The following GPRASP1 variants were observed in gnomAD, a reference collection of about 807,000 sequenced individuals.
GPRASP1 encodes the protein G protein-coupled receptor associated sorting protein 1.
In GPRASP1, 28 loss-of-function variants were observed where a neutral mutation model predicts 68.4. The observed-to-expected ratio is 0.41, with a 90% CI of 0.30 to 0.56. The LOEUF is 0.56. Among genes scored for constraint, GPRASP1 ranks in the 20% least tolerant of loss-of-function variants. The pLI is 0.29. For missense variants in GPRASP1, 913 were observed against 1,031.5 expected (o/e 0.89, Z 1.57); for synonymous variants, 304 against 358.2 (o/e 0.85, Z 1.71).
At position 102,653,879 on chromosome X, in the gene GPRASP1, G is replaced by A. The variant is rs368660777; in HGVS notation, c.-35G>A. The A allele has an allele frequency of 2.5e-4, 269 of 1,063,775 alleles. 1 individual carries two copies. Among genetic ancestry groups the A allele is most frequent in the Non-Finnish European group, 3.1e-4 (243 of 774,648 alleles). The allele number at this position is 1,063,775 out of a possible 1,213,427, so 87.7% of individuals were successfully genotyped here. ...GTGGTTGAGGTTTAGACTGGGGGAGGAGTATAGTACTGGACTTTCTTTGTA... is the reference window on the plus strand; with the variant it reads ...GTGGTTGAGGTTTAGACTGGGGGAGAAGTATAGTACTGGACTTTCTTTGTA... On this transcript the variant is annotated 5_prime_UTR_variant, in exon 6 of 6. Coordinates refer to ENST00000537097, the MANE Select transcript of GPRASP1 (RefSeq NM_001184727.2).
In GPRASP1 at chrX:102,653,759, A is replaced by C; in HGVS notation, c.-155A>C. The C allele has an allele frequency of 2.0e-6, 1 of 489,302 alleles. No individual in the cohort carries two copies. Among genetic ancestry groups the C allele is most frequent in the Non-Finnish European group, 3.6e-6 (1 of 277,070 alleles). 40.3% of individuals were successfully genotyped at this position (489,302 alleles called of 1,213,427 possible). A position where few individuals can be genotyped will look rare whatever the true frequency, so the allele number is the denominator to read the frequency against. On this transcript the variant is annotated 5_prime_UTR_variant, in exon 6 of 6. Transcript: ENST00000537097. ...TGTTTGGGAAGGAGGCTGAGTGACT[A>C]CTGGACTGGATATTGACTCTAACTC...
chrX:102,655,422 G>A lies in GPRASP1; in HGVS notation c.1509G>A (p.Trp503Ter). ...AGGTCATTATTGGTTCCTGGTTCTG[G>A]GCTGGTGAAGAGGTCAACCAAGAGG... ...DEQVIIGSWF[W>*]AGEEVNQEAE... Residue 503 changes from tryptophan to a stop codon, truncating the protein, a stop_gained, in exon 6 of 6, where the codon TGG (tryptophan) becomes TGA (stop). Coordinates refer to ENST00000537097, the MANE Select transcript of GPRASP1 (RefSeq NM_001184727.2). LOFTEE classifies it high-confidence loss of function. 8.3e-7 allele frequency: 1 copy of A among 1,211,784 alleles called. No individual in the cohort carries two copies. Among genetic ancestry groups the A allele is most frequent in the African/African-American group, 1.7e-5 (1 of 57,770 alleles).
In GPRASP1 at chrX:102,657,069, C is replaced by T; in HGVS notation, c.3156C>T (p.Phe1052=). ...GTTGGGAGGAGGTCACTGTTCAGTT[C>T]AAGCCTGGTCCATGGGGTAGGGTCG... ...PQSWEEVTVQ[F]KPGPWGRVGF... is the part of the protein sequence containing the mutation. The change falls in exon 6 of 6, where the codon TTC becomes TTT. Residue 1052 remains phenylalanine (F), a synonymous_variant. Coordinates refer to ENST00000537097, the MANE Select transcript of GPRASP1 (RefSeq NM_001184727.2). 8.3e-7 allele frequency: 1 copy of T among 1,211,296 alleles called. No homozygotes were observed. Among genetic ancestry groups the T allele is most frequent in the Non-Finnish European group, 1.1e-6 (1 of 895,036 alleles).
rs774759080 is a variant in GPRASP1, at chrX:102,656,099, A to T, written c.2186A>T (p.Glu729Val). 5 of 1,210,930 alleles carry T rather than the reference A, an allele frequency of 4.1e-6. No individual in the cohort carries two copies. Among genetic ancestry groups the T allele is most frequent in the Non-Finnish European group, 4.5e-6 (4 of 894,940 alleles). The change falls in exon 6 of 6, where the codon GAG becomes GTG. Residue 729 changes from glutamate to valine, a missense_variant. Coordinates refer to ENST00000537097, the MANE Select transcript of GPRASP1 (RefSeq NM_001184727.2). Reference sequence around the variant, plus strand: ...GGGTCCTGGTTATGGGCTACAGAAGAGAGTAATATAGATGGGACTGGAGAA... The same window carrying T: ...GGGTCCTGGTTATGGGCTACAGAAGTGAGTAATATAGATGGGACTGGAGAA... ...IIGSWLWATE[E>V]SNIDGTGEKA... is the part of the protein sequence containing the mutation.
At chrX:102,652,043 AGCCCGTGGGAGGTGGGTC>A (rs1276246007) in intron 2 of GPRASP1, 114 bp from the exon 3 acceptor site, 1 of 112,493 alleles carries the variant, frequency 8.9e-6, no homozygotes, top group Admixed American at 9.3e-5. Context: ...CTCTGTGCCT[AGCCCGTGGGAGGTGGGTC>A]GCGTTCGCTG....
chrX:102,656,805 G>C lies in GPRASP1; in HGVS notation c.2892G>C (p.Glu964Asp), dbSNP rs778750310. ...VATCESKPEN[E>D]EGAIVGSWFE... The stretch of plus-strand genomic sequence containing the variant: ...CCTGTGAGTCCAAGCCAGAAAATGA[G>C]GAAGGGGCCATTGTTGGGTCTTGGT... The change falls in exon 6 of 6, where the codon GAG (glutamate) becomes GAC (aspartate). Residue 964 changes from glutamate (E) to aspartate (D), a missense_variant. Transcript: ENST00000537097. 8.3e-7 allele frequency: 1 copy of C among 1,211,312 alleles called. No individual in the cohort carries two copies. The highest frequency in any genetic ancestry group is 2.2e-5 in the Admixed American group (1 of 46,041).
chrX:102,656,259 G>A lies in GPRASP1; in HGVS notation c.2346G>A (p.Trp782Ter). Residue 782 changes from tryptophan (W) to a stop codon, truncating the protein, a stop_gained, in exon 6 of 6, where the codon TGG becomes TGA. Transcript: ENST00000537097. LOFTEE classifies it high-confidence loss of function. Reference protein sequence around the residue: ...EAEEGDIIGSWFWAGEEDRLE... With the variant: ...EAEEGDIIGS ...AGGAGGGGGACATTATTGGTTCTTG[G>A]TTCTGGGCTGGAGAAGAGGACAGAC... 2 of 1,210,428 alleles carry A rather than the reference G, an allele frequency of 1.7e-6. No homozygotes were observed. The highest frequency in any genetic ancestry group is 1.1e-6 in the Non-Finnish European group (1 of 895,046).
chrX:102,651,785 C>T lies in GPRASP1; in HGVS notation c.-572+52C>T, dbSNP rs776703212. ...ATGGGGAGGCGGTGACTGGTGCGGGCCAGGCCGGACCAAGGGCTGAGGGGC... is the reference window on the plus strand; with the variant it reads ...ATGGGGAGGCGGTGACTGGTGCGGGTCAGGCCGGACCAAGGGCTGAGGGGC... On this transcript the variant is annotated intron_variant, in intron 2 of 5. Transcript: ENST00000537097. 575 of 112,765 alleles carry T rather than the reference C, an allele frequency of 5.1e-3. 6 individuals are homozygous for T. The highest frequency in any genetic ancestry group is 0.018 in the African/African-American group (546 of 31,055). 9.3% of individuals were successfully genotyped at this position (112,765 alleles called of 1,213,427 possible). A position where few individuals can be genotyped will look rare whatever the true frequency, so the allele number is the denominator to read the frequency against.
At chrX:102,652,633 C>G (rs1042887568) in intron 3 of GPRASP1, among the ~76,000 whole-genome samples, 198 bp from the exon 4 acceptor site, 2 of 113,137 alleles carry the variant, frequency 1.8e-5, no homozygotes, top group Non-Finnish European at 3.7e-5. Flanking sequence ...AGTATGACGT[C>G]AAGAGAAGGA....
rs1308118079 is a variant in GPRASP1, at chrX:102,658,231, CTCTG to C, written c.*136_*139del. ...TAGTGCTGACACTAACTTTGTCCAA[CTCTG>C]TCTGTAAGCTGGAGCATTTTTCTGA... On this transcript the variant is annotated 3_prime_UTR_variant, in exon 6 of 6. Coordinates refer to ENST00000537097, the MANE Select transcript of GPRASP1 (RefSeq NM_001184727.2). 4.1e-5 allele frequency: 17 copies of C among 413,661 alleles called. No individual in the cohort carries two copies. Among genetic ancestry groups the C allele is most frequent in the Admixed American group, 9.0e-5 (2 of 22,166 alleles). 34.1% of individuals were successfully genotyped at this position (413,661 alleles called of 1,213,427 possible).
In GPRASP1 at chrX:102,654,586, T is replaced by C. The variant is rs1451445177; in HGVS notation, c.673T>C (p.Ser225Pro). 3 of 1,208,557 alleles carry C rather than the reference T, an allele frequency of 2.5e-6. No homozygotes were observed. The highest frequency in any genetic ancestry group is 1.1e-6 in the Non-Finnish European group (1 of 893,958). The part of the protein sequence containing the change: ...PGNRVKDSNR[S>P]MHMANQEANT... ...GAATAGGGTAAAAGACAGTAACAGATCCATGCACATGGCCAATCAAGAGGC... is the reference window on the plus strand; with the variant it reads ...GAATAGGGTAAAAGACAGTAACAGACCCATGCACATGGCCAATCAAGAGGC... Residue 225 changes from serine to proline, a missense_variant, in exon 6 of 6, where the codon TCC (serine) becomes CCC (proline). By Grantham distance (74) the Ser-to-Pro change is moderately conservative (BLOSUM62 -1). Coordinates refer to ENST00000537097, the MANE Select transcript of GPRASP1 (RefSeq NM_001184727.2).
Position 102,653,698 on chromosome X carries a change from A to C in GPRASP1, c.-216A>C. ...TCAAGCTTGGTTGTGCCTGTTCTAC[A>C]CTCTATCTGTATTATTGAATTACTG... is the stretch of plus-strand genomic sequence containing the variant. On this transcript the variant is annotated 5_prime_UTR_variant, in exon 6 of 6. Transcript: ENST00000537097. 2.5e-6 allele frequency: 1 copy of C among 403,148 alleles called. No individual in the cohort carries two copies. Among genetic ancestry groups the C allele is most frequent in the Admixed American group, 4.2e-5 (1 of 23,664 alleles). 33.2% of individuals were successfully genotyped at this position (403,148 alleles called of 1,213,427 possible). A position where few individuals can be genotyped will look rare whatever the true frequency, so the allele number is the denominator to read the frequency against.
rs1215067576 is a variant in GPRASP1 at position 102,657,106 on chromosome X, A to G, written c.3193A>G (p.Ile1065Val). 1 of 1,208,395 alleles carries G rather than the reference A, an allele frequency of 8.3e-7. No individual in the cohort carries two copies. The highest frequency in any genetic ancestry group is 1.1e-6 in the Non-Finnish European group (1 of 893,755). Residue 1065 changes from isoleucine to valine, a missense_variant, in exon 6 of 6, where the codon ATA becomes GTA. Coordinates refer to ENST00000537097, the MANE Select transcript of GPRASP1 (RefSeq NM_001184727.2). ...ATGGGGTAGGGTCGGCTTCCCATCT[A>G]TAAGCCCCTTTAGATTTCCGAAAGA... ...GPWGRVGFPS[I>V]SPFRFPKEAA...
In GPRASP1 at chrX:102,656,999, C is replaced by T. The variant is rs760692354; in HGVS notation, c.3086C>T (p.Thr1029Met). 9.9e-6 allele frequency: 12 copies of T among 1,208,976 alleles called. No homozygotes were observed. The highest frequency in any genetic ancestry group is 2.2e-5 in the Admixed American group (1 of 45,787). ...SPVFRAICRS[T>M]CSVEQEPDPS... ...GTGTTCAGGGCCATTTGCAGGTCCA[C>T]GTGTTCAGTTGAACAGGAGCCTGAT... The change falls in exon 6 of 6, where the codon ACG becomes ATG. Residue 1029 changes from threonine (T) to methionine (M), a missense_variant. Coordinates refer to ENST00000537097, the MANE Select transcript of GPRASP1 (RefSeq NM_001184727.2).
Position 102,653,999 on chromosome X carries a change from A to C in GPRASP1, c.86A>C (p.Glu29Ala). The C allele has an allele frequency of 8.3e-7, 1 of 1,211,600 alleles. No homozygotes were observed. The highest frequency in any genetic ancestry group is 1.1e-6 in the Non-Finnish European group (1 of 895,036). ...GEEVVGGAEIENDVPLVVRPK... is the reference protein window; with the variant it reads ...GEEVVGGAEIANDVPLVVRPK... Reference sequence around the variant, plus strand: ...GAGGTTGTAGGTGGGGCTGAGATAGAGAATGATGTCCCTCTGGTGGTCAGA... The same window carrying C: ...GAGGTTGTAGGTGGGGCTGAGATAGCGAATGATGTCCCTCTGGTGGTCAGA... Residue 29 changes from glutamate to alanine, a missense_variant, in exon 6 of 6, where the codon GAG becomes GCG. Coordinates refer to ENST00000537097, the MANE Select transcript of GPRASP1 (RefSeq NM_001184727.2).
Position 102,657,866 on chromosome X carries a change from C to T in GPRASP1, c.3953C>T (p.Ala1318Val). Residue 1318 changes from alanine (A) to valine (V), a missense_variant, in exon 6 of 6, where the codon GCA (alanine) becomes GTA (valine). Transcript: ENST00000537097. Reference sequence around the variant, plus strand: ...ACAAAAGAACTACTCAGTGCTGAAGCAGTGTCAGAATTTATAGGCCTCTTT... The same window carrying T: ...ACAAAAGAACTACTCAGTGCTGAAGTAGTGTCAGAATTTATAGGCCTCTTT... ...FMTKELLSAE[A>V]VSEFIGLFNR... is the part of the protein sequence containing the mutation. The T allele has an allele frequency of 8.5e-7, 1 of 1,176,828 alleles. No individual in the cohort carries two copies. The highest frequency in any genetic ancestry group is 1.2e-6 in the Non-Finnish European group (1 of 864,784).
At position 102,654,854 on chromosome X, in the gene GPRASP1, A is replaced by G; in HGVS notation, c.941A>G (p.Glu314Gly). Reference sequence around the variant, plus strand: ...GAGTCCTGGTTTGGGGCTGGAAAGGAGGCCAAATTCAGGTCCAAAATGAGA... The same window carrying G: ...GAGTCCTGGTTTGGGGCTGGAAAGGGGGCCAAATTCAGGTCCAAAATGAGA... ...HLESWFGAGK[E>G]AKFRSKMRAG... The change falls in exon 6 of 6, where the codon GAG (glutamate) becomes GGG (glycine). Residue 314 changes from glutamate (E) to glycine (G), a missense_variant. Physicochemically the swap from Glu to Gly is moderately conservative, Grantham distance 98. Transcript: ENST00000537097. 1 of 1,211,529 alleles carries G rather than the reference A, an allele frequency of 8.3e-7. No individual in the cohort carries two copies.
chrX:102,655,504 G>C lies in GPRASP1; in HGVS notation c.1591G>C (p.Glu531Gln). 38 of 1,211,656 alleles carry C rather than the reference G, an allele frequency of 3.1e-5. No individual in the cohort carries two copies. The highest frequency in any genetic ancestry group is 4.2e-5 in the Non-Finnish European group (38 of 895,483). Residue 531 changes from glutamate (E) to glutamine (Q), a missense_variant, in exon 6 of 6, where the codon GAA (glutamate) becomes CAA (glutamine). Glu to Gln is a conservative substitution (Grantham distance 29). Coordinates refer to ENST00000537097, the MANE Select transcript of GPRASP1 (RefSeq NM_001184727.2). ...WFWVIDAASV[E>Q]SGVGVSCESR... is the part of the protein sequence containing the mutation. ...CTGGGTCATTGATGCGGCCAGTGTG[G>C]AATCTGGTGTTGGGGTCAGCTGTGA... is the stretch of plus-strand genomic sequence containing the variant.
In GPRASP1 at chrX:102,656,637, G is replaced by A; in HGVS notation, c.2724G>A (p.Gly908=). 2.5e-6 allele frequency: 3 copies of A among 1,210,804 alleles called. No homozygotes were observed. Among genetic ancestry groups the A allele is most frequent in the Non-Finnish European group, 3.4e-6 (3 of 894,905 alleles). Residue 908 remains glycine (G), a synonymous_variant, in exon 6 of 6, where the codon GGG becomes GGA. Coordinates refer to ENST00000537097, the MANE Select transcript of GPRASP1 (RefSeq NM_001184727.2). ...ESETEEETIF[G]SWFWDGKEVS... The stretch of plus-strand genomic sequence containing the variant: ...AGACTGAAGAGGAAACCATTTTTGG[G>A]TCCTGGTTCTGGGATGGAAAAGAAG...
Sources: gnomAD v4.1 joint callset for allele counts (sites outside exome capture counted in the v4.1 genomes callset) on GRCh38, gnomAD v4.1.1 for gene constraint, MANE v1.5 for transcripts, NCBI Gene and HGNC (gene_info 2026-07-23, HGNC 2026-07-21) for gene names.